Variants in KLF12 observed in about 807,000 individuals in gnomAD.
KLF12 encodes the protein KLF transcription factor 12.
A neutral mutation model predicts 37.8 loss-of-function variants in KLF12; 9 were observed. That is an observed-to-expected ratio of 0.24 (90% CI 0.14 to 0.42). KLF12 has a LOEUF of 0.42. KLF12 is among the 10% of genes least tolerant of loss of function. The pLI is 1.00. For synonymous variants in KLF12, 208 were observed against 202.1 expected, an observed-to-expected ratio of 1.03 and a Z score of -0.25; for missense variants, 411 against 516.0, an observed-to-expected ratio of 0.80 and a Z score of 1.97.
At chr13:73,975,947 A>C (rs1387663048) in intron 2 of KLF12, among the ~76,000 whole-genome samples, 1 of 152,142 alleles carries the variant, frequency 6.6e-6, no homozygotes, top group African/African-American at 2.4e-5. Flanking sequence ...ACATACTTCC[A>C]ATCAAAGCTT....
chr13:74,021,242 A>G (rs1336743359), intron 1 of KLF12, among the ~76,000 whole-genome samples: 4 of 152,334 alleles, frequency 2.6e-5, no homozygotes, highest in African/African-American at 9.6e-5. Context: ...TACTCACATC[A>G]GGAATGATCA....
At chr13:73,787,128 TTCTC>T (rs1394228474) in intron 5 of KLF12, among the ~76,000 whole-genome samples, 1 of 152,212 alleles carries the variant, frequency 6.6e-6, no homozygotes, top group South Asian at 2.1e-4. Context: ...ATGGTAAGTT[TTCTC>T]TCTCTACTTT....
chr13:73,760,211 T>C lies in KLF12; in HGVS notation c.869+4727A>G, dbSNP rs557082435. On this transcript the variant is annotated intron_variant, in intron 6 of 7. Transcript: ENST00000377669. ...GAGACTTTTTGTGTATATAGCTACA[T>C]AAAATCTTAGGCACATTAGTAATAA... Among the ~76,000 whole-genome samples, 5 of 152,274 alleles carry C rather than the reference T, an allele frequency of 3.3e-5. 1 individual carries two copies. Among genetic ancestry groups the C allele is most frequent in the South Asian group, 4.1e-4 (2 of 4,828 alleles).
At chr13:74,197,396 A>G in the KLF12 span, among the ~76,000 whole-genome samples, 1 of 152,144 alleles carries the variant, frequency 6.6e-6, no homozygotes, top group African/African-American at 2.4e-5. Flanking sequence ...ACTGGTATGT[A>G]AAGTTAAAAT....
chr13:73,948,671 T>C (rs1278218291), intron 2 of KLF12, among the ~76,000 whole-genome samples: 1 of 152,234 alleles, frequency 6.6e-6, no homozygotes. Flanking sequence ...TCAACTTCTC[T>C]CACTTCTACC....
In KLF12 at chr13:73,839,261, T is replaced by TA. The variant is rs1175267832; in HGVS notation, c.670+6565_670+6566insT. On this transcript the variant is annotated intron_variant, in intron 4 of 7. Coordinates refer to ENST00000377669, the MANE Select transcript of KLF12 (RefSeq NM_007249.5). The stretch of plus-strand genomic sequence containing the variant: ...GTGCTTACCACCATACCTGGTTATT[T>TA]TTTTTTTTTTTTTGTATTTTTGGTA... 3.9e-3 allele frequency among the ~76,000 whole-genome samples: 521 copies of TA among 133,772 alleles called. 3 individuals carry two copies. Among genetic ancestry groups the TA allele is most frequent in the African/African-American group, 0.014 (438 of 30,750 alleles). 87.8% of individuals were successfully genotyped at this position (133,772 alleles called of 152,430 possible).
intron 1 of KLF12, among the ~76,000 whole-genome samples, chr13:74,104,986 T>C (rs1009166290): frequency 3.9e-5 from 6 of 152,190 alleles, no homozygotes; most frequent in Non-Finnish European, 5.9e-5. Context: ...TGTTGGCATC[T>C]CTTTTTTTAA....
intron 3 of KLF12, among the ~76,000 whole-genome samples, chr13:73,933,489 A>G (rs1297835343): frequency 6.6e-6 from 1 of 152,182 alleles, no homozygotes; most frequent in Non-Finnish European, 1.5e-5. Flanking sequence ...TAAGAATTCC[A>G]GTTTCTGATC....
chr13:73,808,067 G>C (rs1183553051), intron 5 of KLF12, among the ~76,000 whole-genome samples: 3 of 152,166 alleles, frequency 2.0e-5, no homozygotes, highest in Non-Finnish European at 2.9e-5. Context: ...TCTAGGATTA[G>C]AGTTAATTAT....
chr13:74,193,123 T>C, the KLF12 span, among the ~76,000 whole-genome samples: 1 of 151,638 alleles, frequency 6.6e-6, no homozygotes, highest in Non-Finnish European at 1.5e-5. Flanking sequence ...GGATTACAGG[T>C]GCCTGCTACC....
At chr13:73,735,200 A>T (rs1268020080) in intron 6 of KLF12, among the ~76,000 whole-genome samples, 3 of 151,056 alleles carry the variant, frequency 2.0e-5, no homozygotes, top group Non-Finnish European at 4.4e-5. Context: ...GGGAGGCTGA[A>T]GCAGGAAGGT....
chr13:74,064,196 AACC>A (rs1873772425), intron 1 of KLF12, among the ~76,000 whole-genome samples: 1 of 152,206 alleles, frequency 6.6e-6, no homozygotes, highest in Non-Finnish European at 1.5e-5. Flanking sequence ...GATGATGGAA[AACC>A]ACCCCTCTCC....
intron 2 of KLF12, among the ~76,000 whole-genome samples, chr13:73,988,538 T>A (rs1891885720): frequency 6.6e-6 from 1 of 152,208 alleles, no homozygotes; most frequent in Non-Finnish European, 1.5e-5. Context: ...CAACATTCTG[T>A]AAGTGAACCA....
At chr13:74,146,776 A>G in the KLF12 span, among the ~76,000 whole-genome samples, 2 of 152,196 alleles carry the variant, frequency 1.3e-5, no homozygotes, top group Admixed American at 6.5e-5. Context: ...ATGATAGCCA[A>G]TGGGGTAGGT....
intron 4 of KLF12, among the ~76,000 whole-genome samples, chr13:73,817,478 A>G (rs550070463): frequency 6.6e-6 from 1 of 152,342 alleles, no homozygotes; most frequent in South Asian, 2.1e-4. Flanking sequence ...GAGATTTCCT[A>G]GCAATGATGG....
chr13:73,805,760 C>A (rs183162631), intron 5 of KLF12, among the ~76,000 whole-genome samples: 106 of 151,966 alleles, frequency 7.0e-4, no homozygotes, highest in Admixed American at 1.8e-3. Flanking sequence ...GTATTGGAGT[C>A]CAAAGCTAAA....
Position 73,692,672 on chromosome 13 carries a change from G to A in KLF12, c.*2818C>T, listed in dbSNP as rs994060867. On this transcript the variant is annotated 3_prime_UTR_variant, in exon 8 of 8. Coordinates refer to ENST00000377669, the MANE Select transcript of KLF12 (RefSeq NM_007249.5). ...CAAACCACTTTCTCCTTTCCATGGG[G>A]AAATACTTTTAGAAAACTCACCAAG... 1 of 152,596 alleles carries A rather than the reference G, an allele frequency of 6.6e-6. No individual in the cohort carries two copies. The highest frequency in any genetic ancestry group is 1.5e-5 in the Non-Finnish European group (1 of 68,022). The allele number at this position is 152,596 out of a possible 1,614,324, so 9.5% of individuals were successfully genotyped here.
Position 73,719,585 on chromosome 13 carries a change from C to T in KLF12, c.870-4060G>A, listed in dbSNP as rs189755084. ...ACAATGGGCACTCAATTCCACACTC[C>T]TACGCCCATTTCCCCGAGTTGCTTT... On this transcript the variant is annotated intron_variant, in intron 6 of 7. Transcript: ENST00000377669. Among the ~76,000 whole-genome samples, 23 of 151,758 alleles carry T rather than the reference C, an allele frequency of 1.5e-4. No homozygotes were observed. The East Asian group carries it at 4.2e-3, about 28-fold the overall frequency.
At chr13:74,305,764 G>A in the KLF12 span, among the ~76,000 whole-genome samples, 1 of 152,054 alleles carries the variant, frequency 6.6e-6, no homozygotes, top group African/African-American at 2.4e-5. Flanking sequence ...TTCCTCTGAA[G>A]TGATGATAAA....
Sources: allele counts gnomAD v4.1 joint callset (sites outside exome capture counted in the v4.1 genomes callset), GRCh38; gene constraint gnomAD v4.1.1; transcripts MANE v1.5; gene names NCBI Gene and HGNC (gene_info 2026-07-23, HGNC 2026-07-21).